ACSM3: variants seen among roughly 807,000 people sequenced by gnomAD.
The protein encoded by ACSM3 is acyl-coenzyme A synthetase ACSM3, mitochondrial.
A neutral mutation model predicts 74.1 loss-of-function variants in ACSM3; 61 were observed. The ratio of observed to expected loss-of-function variants is 0.82; its 90% CI spans 0.67 to 1.02. ACSM3 has a LOEUF of 1.02. Among genes scored for constraint, ACSM3 ranks in the 50% least tolerant of loss-of-function variants. The pLI is 0.00. For missense variants in ACSM3, 660 were observed against 697.0 expected, an observed-to-expected ratio of 0.95 and a Z score of 0.60; for synonymous variants, 213 against 241.5, an observed-to-expected ratio of 0.88 and a Z score of 1.09.
intron 1 of ACSM3, among the ~76,000 whole-genome samples, chr16:20,742,370 A>G (rs2079935069): frequency 6.6e-6 from 1 of 152,166 alleles, no homozygotes; most frequent in Non-Finnish European, 1.5e-5. Context: ...AAAAAGAGCC[A>G]GGGTCGGCCG....
chr16:20,712,361 T>G lies in ACSM3; in HGVS notation c.-190+37539T>G, dbSNP rs1407257955. On this transcript the variant is annotated intron_variant, in intron 1 of 3. Transcript: ENST00000561584. ...GTTCTAAGAAAGCAGAGACTTTGAT[T>G]GATCTTCCTATCCTCAGTTCCTAAC... 2.0e-5 allele frequency among the ~76,000 whole-genome samples: 3 copies of G among 152,282 alleles called. No individual in the cohort carries two copies. The East Asian group carries it at 5.8e-4, about 29-fold the overall frequency.
At chr16:20,743,128 C>T (rs1220090819) in intron 1 of ACSM3, among the ~76,000 whole-genome samples, 4 of 151,786 alleles carry the variant, frequency 2.6e-5, no homozygotes, top group East Asian at 3.9e-4. Context: ...TTAGTAGAGA[C>T]GGGGTTTTAC....
At chr16:20,794,818 CTG>C (rs1380454743) in intron 12 of ACSM3, among the ~76,000 whole-genome samples, 1 of 152,232 alleles carries the variant, frequency 6.6e-6, no homozygotes, top group Non-Finnish European at 1.5e-5. Flanking sequence ...ACACAACAAA[CTG>C]TGACTTGAAC....
At chr16:20,693,929 T>G (rs540467830) in intron 1 of ACSM3, among the ~76,000 whole-genome samples, 1 of 152,328 alleles carries the variant, frequency 6.6e-6, no homozygotes, top group Admixed American at 6.5e-5. Flanking sequence ...AAAGCAAAAT[T>G]TATTCAAAGT....
At chr16:20,753,728 A>T (rs1015253100) in intron 2 of ACSM3, among the ~76,000 whole-genome samples, 1 of 152,144 alleles carries the variant, frequency 6.6e-6, no homozygotes, top group Non-Finnish European at 1.5e-5. Context: ...TGCTGTAAAA[A>T]GGAGACAAGT....
At chr16:20,688,188 A>G (rs1048696711) in intron 1 of ACSM3, among the ~76,000 whole-genome samples, 8 of 152,314 alleles carry the variant, frequency 5.3e-5, no homozygotes, top group South Asian at 2.1e-4. Flanking sequence ...GTTCAATGGC[A>G]GATTCAAATA....
chr16:20,755,454 T>C (rs1321405340), intron 2 of ACSM3: 1 of 151,852 alleles, frequency 6.6e-6, no homozygotes, highest in African/African-American at 2.4e-5. Flanking sequence ...CAGCAAAAAA[T>C]AGAAGATATC....
At chr16:20,678,304 A>T (rs950897039) in intron 1 of ACSM3, among the ~76,000 whole-genome samples, 2 of 152,190 alleles carry the variant, frequency 1.3e-5, no homozygotes, top group Non-Finnish European at 2.9e-5. Context: ...AACACACAAA[A>T]AAACAGCACT....
rs72778658 is a variant in ACSM3, at chr16:20,753,022, T to C, written c.-95-2551T>C. 6.7e-3 allele frequency among the ~76,000 whole-genome samples: 1,017 copies of C among 152,132 alleles called. 8 individuals are homozygous for C. Among genetic ancestry groups the C allele is most frequent in the Admixed American group, 0.019 (290 of 15,276 alleles). ...TGGGAAACTTTAGAGGACAATGCCGTATGTTCTACAATGAATTACAAAGAA... is the reference window on the plus strand; with the variant it reads ...TGGGAAACTTTAGAGGACAATGCCGCATGTTCTACAATGAATTACAAAGAA... On this transcript the variant is annotated intron_variant, in intron 2 of 3. Coordinates refer to the ACSM3 transcript ENST00000561584.
Position 20,685,351 on chromosome 16 carries a change from T to G in ACSM3, c.-190+10529T>G, listed in dbSNP as rs201269386. ...CTCTCTGAAGCTCCACTTTACTTCA[T>G]CCCCTTGGCCATTCACCCACCAAAA... On this transcript the variant is annotated intron_variant, in intron 1 of 3. Coordinates refer to the ACSM3 transcript ENST00000561584. 250 of 1,614,034 alleles carry G rather than the reference T, an allele frequency of 1.5e-4. No individual in the cohort carries two copies. Among genetic ancestry groups the G allele is most frequent in the Admixed American group, 2.3e-4 (14 of 59,994 alleles).
chr16:20,679,881 C>T (rs896003025), intron 1 of ACSM3: 4 of 152,220 alleles, frequency 2.6e-5, no homozygotes, highest in African/African-American at 7.2e-5. Flanking sequence ...AGTTATAGCT[C>T]GAACAAAAGA....
Position 20,797,572 on chromosome 16 carries a change from T to G in ACSM3, c.*600T>G, listed in dbSNP as rs902283887. The G allele has an allele frequency of 9.3e-6, 12 of 1,291,340 alleles. No homozygotes were observed. Among genetic ancestry groups the G allele is most frequent in the Non-Finnish European group, 1.2e-5 (12 of 1,021,260 alleles). The allele number at this position is 1,291,340 out of a possible 1,614,324, so 80.0% of individuals were successfully genotyped here. Reference sequence around the variant, plus strand: ...TTATATGTAATCTAATAAATACTGTTTACAAAAGATTACACTTGTGGTTCC... The same window carrying G: ...TTATATGTAATCTAATAAATACTGTGTACAAAAGATTACACTTGTGGTTCC... On this transcript the variant is annotated 3_prime_UTR_variant, in exon 14 of 14. Coordinates refer to ENST00000289416, the MANE Select transcript of ACSM3 (RefSeq NM_005622.4).
At chr16:20,767,184 G>A (rs2152452234) in intron 1 of ACSM3, among the ~76,000 whole-genome samples, 1 of 152,264 alleles carries the variant, frequency 6.6e-6, no homozygotes, top group Admixed American at 6.5e-5. Context: ...CTGTTAAGAG[G>A]AGAGCAGCCA....
At chr16:20,726,979 TA>T (rs1424242731) in intron 1 of ACSM3, among the ~76,000 whole-genome samples, 4 of 152,226 alleles carry the variant, frequency 2.6e-5, no homozygotes, top group Non-Finnish European at 5.9e-5. Flanking sequence ...AGAATGCTTC[TA>T]AAGCCCTTAT....
intron 1 of ACSM3, chr16:20,703,530 A>AC (rs1555479971): frequency 1.4e-5 from 2 of 147,276 alleles, no homozygotes; most frequent in African/African-American, 5.0e-5. Flanking sequence ...TCCTTCGCAG[A>AC]TTTTTTTTTT....
chr16:20,790,416 C>T lies in ACSM3; in HGVS notation c.1225-171C>T, dbSNP rs1301824446. Among the ~76,000 whole-genome samples the T allele has an allele frequency of 6.6e-6, 1 of 152,218 alleles. No individual in the cohort carries two copies. Among genetic ancestry groups the T allele is most frequent in the African/African-American group, 2.4e-5 (1 of 41,466 alleles). On this transcript the variant is annotated intron_variant, in intron 9 of 13. Transcript: ENST00000289416. The surrounding 1 kb of genome is among the most constrained non-coding windows in gnomAD (Gnocchi z 4.0). ...AGTGAGCTATGAGCTATGATTGCAC[C>T]ACTGCACTCCAGCCTGGGTGACAAA... is the stretch of plus-strand genomic sequence containing the variant.
intron 1 of ACSM3, chr16:20,737,906 T>C (rs1596491391): frequency 6.2e-7 from 1 of 1,613,876 alleles, no homozygotes; most frequent in South Asian, 1.1e-5. Flanking sequence ...GTCTTCTTTT[T>C]CTTGGTTTTG....
chr16:20,785,066 A>C lies in ACSM3; in HGVS notation c.1102A>C (p.Thr368Pro), dbSNP rs749376809. The change falls in exon 8 of 14, where the codon ACG becomes CCG. Residue 368 changes from threonine to proline, a missense_variant. Thr to Pro is a conservative substitution (Grantham distance 38). Transcript: ENST00000289416. ...CGTGACTGAAAAATGGAGAAACAAG[A>C]CGGGCCTGGATATCTACGAAGGATA... ...PDVTEKWRNK[T>P]GLDIYEGYGQ... 1.2e-6 allele frequency: 2 copies of C among 1,613,690 alleles called. No individual in the cohort carries two copies. The highest frequency in any genetic ancestry group is 2.2e-5 in the East Asian group (1 of 44,844).
At chr16:20,715,121 C>T (rs2079757047) in intron 1 of ACSM3, among the ~76,000 whole-genome samples, 1 of 152,188 alleles carries the variant, frequency 6.6e-6, no homozygotes, top group African/African-American at 2.4e-5. Context: ...TATGAGGGGT[C>T]TCCCTGCAAG....
Sources: gnomAD v4.1 joint callset for allele counts (sites outside exome capture counted in the v4.1 genomes callset) on GRCh38, gnomAD v4.1.1 for gene constraint, Gnocchi (gnomAD v3.1) non-coding constraint, MANE v1.5 for transcripts, NCBI Gene and HGNC (gene_info 2026-07-23, HGNC 2026-07-21) for gene names.